The following PPP2R2B variants were observed in gnomAD, a reference collection of about 807,000 sequenced individuals.
PPP2R2B encodes the protein serine/threonine-protein phosphatase 2A 55 kDa regulatory subunit B beta isoform.
Under a neutral mutation model 46.0 loss-of-function variants are expected in PPP2R2B, and 5 were observed. The ratio of observed to expected loss-of-function variants is 0.11; its 90% confidence interval spans 0.06 to 0.23. The LOEUF is 0.23. Among genes scored for constraint, PPP2R2B ranks in the 10% least tolerant of loss-of-function variants. PPP2R2B has a pLI of 1.00. For missense variants in PPP2R2B, 367 were observed against 575.0 expected (o/e 0.64, Z 3.70); for synonymous variants, 215 against 206.7 (o/e 1.04, Z -0.34).
intron 1 of PPP2R2B, among the ~76,000 whole-genome samples, chr5:146,983,408 C>T (rs1753274699): frequency 1.3e-5 from 2 of 152,238 alleles, no homozygotes; most frequent in Admixed American, 1.3e-4. Flanking sequence ...TCTTGATCTC[C>T]TGACCTCGTG....
chr5:146,674,601 G>T (rs1293756437), intron 5 of PPP2R2B, among the ~76,000 whole-genome samples: 1 of 152,058 alleles, frequency 6.6e-6, no homozygotes, highest in Non-Finnish European at 1.5e-5. Flanking sequence ...CATACATCTT[G>T]GGTTGTGTTG....
chr5:146,665,999 G>A (rs892966506), intron 5 of PPP2R2B, among the ~76,000 whole-genome samples: 1 of 152,162 alleles, frequency 6.6e-6, no homozygotes, highest in African/African-American at 2.4e-5. Flanking sequence ...GCACAATAAA[G>A]CGAAATGTAA....
intron 5 of PPP2R2B, among the ~76,000 whole-genome samples, chr5:146,680,375 T>A (rs1018482744): frequency 1.5e-5 from 2 of 133,940 alleles, no homozygotes; most frequent in African/African-American, 5.9e-5. Flanking sequence ...AAGGGGAATA[T>A]CACACTCTGG....
Position 147,022,656 on chromosome 5 carries a change from A to G in PPP2R2B, c.79+33009T>C, listed in dbSNP as rs577521970. On this transcript the variant is annotated intron_variant, in intron 1 of 8. Coordinates refer to the PPP2R2B transcript ENST00000336640. ...AAATACAAAGAAAATTTTTCTAAGGAACATCATAATAAAATTGCTGAAAAC... is the reference window on the plus strand; with the variant it reads ...AAATACAAAGAAAATTTTTCTAAGGGACATCATAATAAAATTGCTGAAAAC... 9.2e-5 allele frequency among the ~76,000 whole-genome samples: 14 copies of G among 152,246 alleles called. No individual in the cohort carries two copies. The South Asian group carries it at 2.9e-3, about 32-fold the overall frequency.
At chr5:146,979,440 T>G (rs1193087387) in intron 1 of PPP2R2B, among the ~76,000 whole-genome samples, 1 of 152,142 alleles carries the variant, frequency 6.6e-6, no homozygotes, top group East Asian at 1.9e-4. Flanking sequence ...CTTATTTTGC[T>G]CACTGCTGTA....
intron 5 of PPP2R2B, among the ~76,000 whole-genome samples, chr5:146,667,372 A>ACACAC (rs1777066329): frequency 6.6e-6 from 1 of 151,450 alleles, no homozygotes; most frequent in African/African-American, 2.4e-5. Context: ...ACACACACAC[A>ACACAC]AAGGAGATAA....
chr5:146,607,329 C>A (rs1772390663), intron 7 of PPP2R2B: 3 of 152,178 alleles, frequency 2.0e-5, no homozygotes, highest in Admixed American at 2.0e-4. Flanking sequence ...GGCCTAATGA[C>A]ATAGTCTCCA....
chr5:147,075,158 A>G (rs1757726765), intron 2 of PPP2R2B, among the ~76,000 whole-genome samples: 1 of 152,228 alleles, frequency 6.6e-6, no homozygotes, highest in African/African-American at 2.4e-5. Context: ...AATTTTTACC[A>G]TATAAAGTAC....
intron 7 of PPP2R2B, among the ~76,000 whole-genome samples, chr5:146,634,273 C>T (rs1047602407): frequency 8.5e-5 from 13 of 152,120 alleles, no homozygotes; most frequent in Non-Finnish European, 1.3e-4. Flanking sequence ...TGTATTTTTC[C>T]CCCCTTGCTT....
At chr5:146,824,316 A>G (rs1256524556) in intron 2 of PPP2R2B, among the ~76,000 whole-genome samples, 3 of 146,224 alleles carry the variant, frequency 2.1e-5, no homozygotes, top group African/African-American at 5.3e-5. Flanking sequence ...AGATGTTCAC[A>G]TTGGTAGTGA....
At chr5:147,022,414 TGTTGGGTGTGGTA>T (rs1393518894) in intron 1 of PPP2R2B, among the ~76,000 whole-genome samples, 1 of 150,908 alleles carries the variant, frequency 6.6e-6, no homozygotes, top group Non-Finnish European at 1.5e-5. Context: ...AAAAAAAAAT[TGTTGGGTGTGGTA>T]GCATGCACCT....
At chr5:146,931,998 A>C (rs750742331) in intron 1 of PPP2R2B, among the ~76,000 whole-genome samples, 4 of 152,182 alleles carry the variant, frequency 2.6e-5, no homozygotes, top group Non-Finnish European at 5.9e-5. Flanking sequence ...ATCAGCAATA[A>C]TCTGAAATAT....
intron 2 of PPP2R2B, among the ~76,000 whole-genome samples, chr5:146,712,138 GTAT>G (rs1422419073): frequency 6.6e-6 from 1 of 152,118 alleles, no homozygotes; most frequent in Non-Finnish European, 1.5e-5. Context: ...AGTTCACAAG[GTAT>G]TATTATGTTA....
chr5:146,592,990 C>A lies in PPP2R2B; in HGVS notation c.1033G>T (p.Val345Leu). ...NDCIFDKFEC[V>L]WNGSDSVIMT... ...TCTTACCTGTCTGACCCATTCCACACACACTCAAATTTATCAAAAATGCAG... is the reference window on the plus strand; with the variant it reads ...TCTTACCTGTCTGACCCATTCCACAAACACTCAAATTTATCAAAAATGCAG... The change falls in exon 9 of 10, where the codon GTG becomes TTG. Residue 345 changes from valine to leucine, a missense_variant. Physicochemically the swap from Val to Leu is conservative, Grantham distance 32. This residue lies in a region of PPP2R2B where 361 missense variants were observed against 545.5 expected (regional missense o/e 0.66). Coordinates refer to ENST00000394411, the MANE Select transcript of PPP2R2B (RefSeq NM_181675.4). 1 of 1,613,442 alleles carries A rather than the reference C, an allele frequency of 6.2e-7. No homozygotes were observed. Among genetic ancestry groups the A allele is most frequent in the Non-Finnish European group, 8.5e-7 (1 of 1,179,370 alleles).
At chr5:146,741,403 G>T (rs1752868500) in intron 2 of PPP2R2B, among the ~76,000 whole-genome samples, 1 of 152,052 alleles carries the variant, frequency 6.6e-6, no homozygotes, top group African/African-American at 2.4e-5. Context: ...TGGTGTCAGG[G>T]GAAGGTATAA....
intron 1 of PPP2R2B, among the ~76,000 whole-genome samples, chr5:146,907,993 G>A (rs1044723089): frequency 4.6e-5 from 7 of 152,114 alleles, no homozygotes; most frequent in South Asian, 2.1e-4. Flanking sequence ...AAAAACTGCC[G>A]AGCAGAACAG....
At chr5:146,961,511 C>T (rs1287954750) in intron 1 of PPP2R2B, among the ~76,000 whole-genome samples, 1 of 152,072 alleles carries the variant, frequency 6.6e-6, no homozygotes, top group Non-Finnish European at 1.5e-5. Flanking sequence ...AAATTAGCAC[C>T]ACATTGTTAT....
At chr5:146,646,655 G>A (rs998209865) in intron 6 of PPP2R2B, among the ~76,000 whole-genome samples, 1 of 152,130 alleles carries the variant, frequency 6.6e-6, no homozygotes, top group African/African-American at 2.4e-5. Flanking sequence ...TCTTGCAAAG[G>A]ACACCCAACT....
intron 7 of PPP2R2B, among the ~76,000 whole-genome samples, chr5:146,615,514 T>TAAAAAAAAAAAAAAAAA (rs1561772287): frequency 3.6e-5 from 3 of 83,244 alleles, no homozygotes; most frequent in Non-Finnish European, 7.0e-5. Flanking sequence ...AAAAAAAAAA[T>TAAAAAAAAAAAAAAAAA]TAAAAAAAAA....
Sources: gnomAD v4.1 joint callset for allele counts (sites outside exome capture counted in the v4.1 genomes callset) on GRCh38, gnomAD v4.1.1 for gene constraint, gnomAD v4.1.1 regional missense constraint, MANE v1.5 for transcripts, NCBI Gene and HGNC (gene_info 2026-07-23, HGNC 2026-07-21) for gene names.